The following NCS1 variants were observed in gnomAD, a reference collection of about 807,000 sequenced individuals.
The protein encoded by NCS1 is neuronal calcium sensor 1.
A neutral mutation model predicts 28.4 loss-of-function variants in NCS1; 6 were observed. The observed-to-expected ratio is 0.21, with a 90% CI of 0.12 to 0.42. The LOEUF is 0.42. Among genes scored for constraint, NCS1 ranks in the 10% least tolerant of loss-of-function variants. The probability of loss-of-function intolerance (pLI) is 1.00; values close to 1 mark genes in which losing one functional copy is unlikely to be tolerated. For missense variants in NCS1, 131 were observed against 241.4 expected, an observed-to-expected ratio of 0.54 and a Z score of 3.03; for synonymous variants, 86 against 99.3, an observed-to-expected ratio of 0.87 and a Z score of 0.79.
chr9:130,181,869 C>T lies in NCS1; in HGVS notation c.64+9142C>T, dbSNP rs573026875. On this transcript the variant is annotated intron_variant, in intron 1 of 7. Transcript: ENST00000372398. The surrounding 1 kb of genome is among the most constrained non-coding windows in gnomAD (Gnocchi z 5.0). ...GGTGAGCCGGGCACTCCTGTGCGCA[C>T]GCGTGTGGTGGTGTGTGAGGGCAGC... Among the ~76,000 whole-genome samples the T allele has an allele frequency of 5.3e-5, 8 of 151,258 alleles. No individual in the cohort carries two copies. The highest frequency in any genetic ancestry group is 7.4e-5 in the Non-Finnish European group (5 of 67,860).
In NCS1 at chr9:130,175,075, A is replaced by AG. The variant is rs1348517433; in HGVS notation, c.64+2352dup. On this transcript the variant is annotated intron_variant, in intron 1 of 7. Transcript: ENST00000372398. This position sits in a 1 kb window ranked among gnomAD's most constrained non-coding sequence, Gnocchi z 4.9. ...CTTTTCCTCTGTCGAAGCCCTTATT[A>AG]GGGGTGGGCCGTTGGAGGTGGCGGT... Among the ~76,000 whole-genome samples the AG allele has an allele frequency of 6.6e-6, 1 of 152,078 alleles. No homozygotes were observed. The highest frequency in any genetic ancestry group is 1.5e-5 in the Non-Finnish European group (1 of 68,022).
rs1832554907 is a variant in NCS1 at position 130,175,759 on chromosome 9, CT to C, written c.64+3033del. ...CTGGACACACTGGGATTCCACCTGG[CT>C]CAAACCCTAACCCAGTCCTCAGCCT... On this transcript the variant is annotated intron_variant, in intron 1 of 7. Transcript: ENST00000372398. This position sits in a 1 kb window ranked among gnomAD's most constrained non-coding sequence, Gnocchi z 4.9. Among the ~76,000 whole-genome samples the C allele has an allele frequency of 6.6e-6, 1 of 152,216 alleles. No homozygotes were observed. The highest frequency in any genetic ancestry group is 2.1e-4 in the South Asian group (1 of 4,828).
chr9:130,224,790 A>C (rs1024265349), intron 6 of NCS1, among the ~76,000 whole-genome samples: 18 of 152,244 alleles, frequency 1.2e-4, no homozygotes, highest in African/African-American at 4.3e-4. Context: ...ACTCCAAAGA[A>C]ATAAGGAATC....
At chr9:130,228,295 T>G (rs966302023) in intron 7 of NCS1, among the ~76,000 whole-genome samples, 1 of 151,342 alleles carries the variant, frequency 6.6e-6, no homozygotes, top group Non-Finnish European at 1.5e-5. Flanking sequence ...ACCTCAGCCC[T>G]CAGCTTTCCA....
chr9:130,219,265 G>A lies in NCS1; in HGVS notation c.229-460G>A, dbSNP rs1170709711. Among the ~76,000 whole-genome samples, 6 of 152,052 alleles carry A rather than the reference G, an allele frequency of 3.9e-5. No homozygotes were observed. The highest frequency in any genetic ancestry group is 7.4e-5 in the Non-Finnish European group (5 of 68,016). On this transcript the variant is annotated intron_variant, in intron 3 of 7. Transcript: ENST00000372398. This position sits in a 1 kb window ranked among gnomAD's most constrained non-coding sequence, Gnocchi z 5.7. ...GGCTGGGAGTCACATGCCTGACCCTGGGAAGGGCTCTTCCCTTCTTGGGCC... is the reference window on the plus strand; with the variant it reads ...GGCTGGGAGTCACATGCCTGACCCTAGGAAGGGCTCTTCCCTTCTTGGGCC...
At chr9:130,197,790 T>C (rs1409632415) in intron 1 of NCS1, among the ~76,000 whole-genome samples, 1 of 152,072 alleles carries the variant, frequency 6.6e-6, no homozygotes, top group African/African-American at 2.4e-5. Flanking sequence ...TGTGAAACCC[T>C]GTCTCTACCT....
At chr9:130,216,382 A>G (rs897084327) in intron 2 of NCS1, among the ~76,000 whole-genome samples, 23 of 152,118 alleles carry the variant, frequency 1.5e-4, no homozygotes, top group Admixed American at 1.4e-3. Flanking sequence ...AGGACTTGCA[A>G]ATGTCTTCCT....
chr9:130,177,692 AC>A lies in NCS1; in HGVS notation c.64+4967del, dbSNP rs1258534437. ...GCTGGGTCCTCACTCGGCCTTGGTG[AC>A]CTTGGGGAAGTCCCTTGGCCTCTCT... On this transcript the variant is annotated intron_variant, in intron 1 of 7. Transcript: ENST00000372398. The surrounding 1 kb of genome is among the most constrained non-coding windows in gnomAD (Gnocchi z 4.4). Among the ~76,000 whole-genome samples, 2 of 152,174 alleles carry A rather than the reference AC, an allele frequency of 1.3e-5. No individual in the cohort carries two copies. Among genetic ancestry groups the A allele is most frequent in the Non-Finnish European group, 2.9e-5 (2 of 68,032 alleles).
intron 1 of NCS1, among the ~76,000 whole-genome samples, chr9:130,178,705 G>T (rs1832609975): frequency 6.6e-6 from 1 of 152,062 alleles, no homozygotes; most frequent in African/African-American, 2.4e-5. Flanking sequence ...GTCCCGGAAT[G>T]GACTGGCGGG....
chr9:130,203,867 T>TC lies in NCS1; in HGVS notation c.89+2891dup, dbSNP rs1334374438. Among the ~76,000 whole-genome samples the TC allele has an allele frequency of 5.9e-5, 9 of 151,966 alleles. No individual in the cohort carries two copies. The South Asian group carries it at 1.9e-3, about 32-fold the overall frequency. On this transcript the variant is annotated intron_variant, in intron 2 of 7. Coordinates refer to ENST00000372398, the MANE Select transcript of NCS1 (RefSeq NM_014286.4). ...TGAAGACACTGAGACCTGCCTGAGT[T>TC]CCCCCCGGCGTCCTCCCCTTCCCAC...
At chr9:130,218,067 C>T (rs1302609474) in intron 3 of NCS1, 97 bp downstream of exon 3, 2 of 1,486,242 alleles carry the variant, frequency 1.3e-6, no homozygotes, top group African/African-American at 2.8e-5. Flanking sequence ...ATGTTCCCTT[C>T]TAGAGAAGGA....
intron 1 of NCS1, among the ~76,000 whole-genome samples, chr9:130,194,348 G>A (rs190254174): frequency 5.3e-5 from 8 of 152,344 alleles, no homozygotes; most frequent in Admixed American, 2.0e-4. Flanking sequence ...AAAGGAGGCT[G>A]TGGGCACCGC....
In NCS1 at chr9:130,232,741, A is replaced by G. The variant is rs1362576648; in HGVS notation, c.*18-249A>G. On this transcript the variant is annotated intron_variant, in intron 7 of 7. Transcript: ENST00000372398. The surrounding 1 kb of genome is among the most constrained non-coding windows in gnomAD (Gnocchi z 4.4). The stretch of plus-strand genomic sequence containing the variant: ...GTGGAGGTTGCAGTGAGCCGAGATT[A>G]TGCCACTGCACTGCAGCCCAGGTGA... Among the ~76,000 whole-genome samples the G allele has an allele frequency of 5.3e-5, 8 of 152,096 alleles. No homozygotes were observed. Among genetic ancestry groups the G allele is most frequent in the Non-Finnish European group, 1.2e-4 (8 of 68,008 alleles).
chr9:130,221,883 TAC>T (rs199881626), intron 4 of NCS1, among the ~76,000 whole-genome samples: 8 of 404 alleles, frequency 0.02, no homozygotes, highest in Admixed American at 0.045. Flanking sequence ...ATATACATAA[TAC>T]ATAAATATAA....
rs1833516598 is a variant in NCS1, at chr9:130,232,883, C to T, written c.*18-107C>T. 1 of 152,736 alleles carries T rather than the reference C, an allele frequency of 6.5e-6. No homozygotes were observed. The highest frequency in any genetic ancestry group is 1.5e-5 in the Non-Finnish European group (1 of 68,090). 9.5% of individuals were successfully genotyped at this position (152,736 alleles called of 1,614,324 possible). A position where few individuals can be genotyped will look rare whatever the true frequency, so the allele number is the denominator to read the frequency against. ...CTGACATAGAATGCCAGCTTGCCAT[C>T]TATCGACCTTCCTGCCAGCTCTCTG... is the stretch of plus-strand genomic sequence containing the variant. On this transcript the variant is annotated intron_variant, in intron 7 of 7. Coordinates refer to ENST00000372398, the MANE Select transcript of NCS1 (RefSeq NM_014286.4). This position sits in a 1 kb window ranked among gnomAD's most constrained non-coding sequence, Gnocchi z 4.4.
intron 1 of NCS1, among the ~76,000 whole-genome samples, chr9:130,197,047 T>C (rs1404461822): frequency 1.5e-4 from 23 of 152,240 alleles, no homozygotes; most frequent in Admixed American, 1.3e-3. Context: ...CCCGGATTTG[T>C]CTGATTATGT....
intron 1 of NCS1, among the ~76,000 whole-genome samples, chr9:130,185,595 C>G (rs1832727449): frequency 6.6e-6 from 1 of 152,258 alleles, no homozygotes; most frequent in African/African-American, 2.4e-5. Flanking sequence ...AGCAAGGCCC[C>G]TCCTCCCGGC....
At chr9:130,199,344 C>T (rs1035042230) in intron 1 of NCS1, among the ~76,000 whole-genome samples, 7 of 152,288 alleles carry the variant, frequency 4.6e-5, no homozygotes, top group Non-Finnish European at 7.4e-5. Flanking sequence ...CTGCCTGCCT[C>T]GGCCTCCCAA....
At chr9:130,189,746 G>T (rs1832788907) in intron 1 of NCS1, among the ~76,000 whole-genome samples, 1 of 150,878 alleles carries the variant, frequency 6.6e-6, no homozygotes, top group Non-Finnish European at 1.5e-5. Context: ...GGAAGCTGAG[G>T]CAGGAGAATT....
Sources: allele counts gnomAD v4.1 joint callset (sites outside exome capture counted in the v4.1 genomes callset), GRCh38; gene constraint gnomAD v4.1.1; non-coding constraint Gnocchi (gnomAD v3.1); transcripts MANE v1.5; gene names NCBI Gene and HGNC (gene_info 2026-07-23, HGNC 2026-07-21).